The following GMDS variants were observed in gnomAD, a reference collection of about 807,000 sequenced individuals.
GMDS encodes the protein GDP-mannose 4,6-dehydratase.
GMDS carries 20 observed loss-of-function variants against 49.9 expected under a neutral mutation model. The observed-to-expected ratio is 0.40, with a 90% CI of 0.28 to 0.58. The LOEUF (loss-of-function observed/expected upper bound fraction) is 0.58. GMDS is among the 20% of genes least tolerant of loss of function. The pLI, the probability that GMDS is intolerant of heterozygous loss-of-function variation, is 0.42. For synonymous variants in GMDS, 177 were observed against 178.6 expected, an observed-to-expected ratio of 0.99 and a Z score of 0.07; for missense variants, 362 against 481.4, an observed-to-expected ratio of 0.75 and a Z score of 2.32.
At chr6:1,915,541 C>A (rs557849219) in intron 7 of GMDS, among the ~76,000 whole-genome samples, 1 of 152,204 alleles carries the variant, frequency 6.6e-6, no homozygotes, top group Non-Finnish European at 1.5e-5. Flanking sequence ...CTCCAGACAG[C>A]GGCCTTTATT....
chr6:2,209,751 T>C (rs1779983051), intron 1 of GMDS, among the ~76,000 whole-genome samples: 1 of 152,140 alleles, frequency 6.6e-6, no homozygotes, highest in African/African-American at 2.4e-5. Context: ...AAAATAATTT[T>C]AAAATTGGGA....
In GMDS at chr6:2,171,000, G is replaced by GA. The variant is rs1161674272; in HGVS notation, c.103-46270dup. On this transcript the variant is annotated intron_variant, in intron 1 of 10. Coordinates refer to ENST00000380815, the MANE Select transcript of GMDS (RefSeq NM_001500.4). ...AAAGAGTGAGACTCCGTCTCCAAAA[G>GA]AAAAAAAAAATACTCTAAAAACAAG... Among the ~76,000 whole-genome samples the GA allele has an allele frequency of 1.4e-3, 201 of 143,336 alleles. 1 individual carries two copies. The highest frequency in any genetic ancestry group is 7.2e-3 in the Middle Eastern group (2 of 276). The allele number at this position is 143,336 out of a possible 152,430, so 94.0% of individuals were successfully genotyped here.
chr6:2,005,843 CT>C (rs928051476), intron 4 of GMDS, among the ~76,000 whole-genome samples: 1 of 152,108 alleles, frequency 6.6e-6, no homozygotes, highest in African/African-American at 2.4e-5. Flanking sequence ...TTCCCTTGGT[CT>C]TTATATATCA....
rs546231816 is a variant in GMDS, at chr6:1,851,316, A to G, written c.771+78787T>C. Among the ~76,000 whole-genome samples the G allele has an allele frequency of 3.9e-5, 6 of 152,344 alleles. No homozygotes were observed. In the East Asian group the frequency reaches 1.2e-3, roughly 29 times the overall value. On this transcript the variant is annotated intron_variant, in intron 7 of 10. Transcript: ENST00000380815. ...AACCTTTTAATTATTATTAATGTGG[A>G]AAGTTGTGAGACTGAGAAAACGTGT...
chr6:1,702,957 G>C (rs895334280), intron 9 of GMDS, among the ~76,000 whole-genome samples: 1 of 152,162 alleles, frequency 6.6e-6, no homozygotes, highest in Non-Finnish European at 1.5e-5. Flanking sequence ...ATCACTCTCC[G>C]TGAGGATTTC....
rs181885198 is a variant in GMDS at position 1,909,050 on chromosome 6, G to A, written c.771+21053C>T. Among the ~76,000 whole-genome samples, 3 of 152,290 alleles carry A rather than the reference G, an allele frequency of 2.0e-5. No homozygotes were observed. The East Asian group carries it at 5.8e-4, about 29-fold the overall frequency. On this transcript the variant is annotated intron_variant, in intron 7 of 10. Transcript: ENST00000380815. ...AATGACAGGGTATCCACCAGAAAAC[G>A]CAGGATATTAGTCACACCGGTCAAG...
At chr6:2,157,587 T>C (rs1199685887) in intron 1 of GMDS, among the ~76,000 whole-genome samples, 1 of 152,220 alleles carries the variant, frequency 6.6e-6, no homozygotes, top group Non-Finnish European at 1.5e-5. Context: ...AGTGCTCATC[T>C]TGTCTTGTGA....
intron 4 of GMDS, among the ~76,000 whole-genome samples, chr6:2,003,902 C>A (rs1228562491): frequency 6.6e-5 from 10 of 152,122 alleles, no homozygotes; most frequent in Non-Finnish European, 8.8e-5. Context: ...CACTAAATTT[C>A]TGGTAAAGAT....
chr6:2,179,373 C>A (rs1269825386), intron 1 of GMDS, among the ~76,000 whole-genome samples: 1 of 152,110 alleles, frequency 6.6e-6, no homozygotes, highest in Admixed American at 6.5e-5. Context: ...AATATTGCCC[C>A]AAATCATGTG....
chr6:1,737,595 A>G (rs569077967), intron 8 of GMDS, among the ~76,000 whole-genome samples: 3 of 150,096 alleles, frequency 2.0e-5, no homozygotes, highest in Admixed American at 1.3e-4. Flanking sequence ...ACACACATAC[A>G]CACACCACAC....
intron 1 of GMDS, among the ~76,000 whole-genome samples, chr6:2,129,833 T>C (rs564620056): frequency 6.6e-5 from 10 of 152,316 alleles, no homozygotes; most frequent in African/African-American, 1.9e-4. Context: ...CAGAATATAA[T>C]AGAAAGGTGT....
At chr6:2,223,817 G>A (rs1780703514) in intron 1 of GMDS, among the ~76,000 whole-genome samples, 1 of 152,184 alleles carries the variant, frequency 6.6e-6, no homozygotes, top group Non-Finnish European at 1.5e-5. Context: ...GGAACTCAGG[G>A]TCTGGAACTC....
At position 1,836,121 on chromosome 6, in the gene GMDS, C is replaced by T. The variant is rs940477937; in HGVS notation, c.772-93535G>A. Among the ~76,000 whole-genome samples, 3 of 152,196 alleles carry T rather than the reference C, an allele frequency of 2.0e-5. No homozygotes were observed. Among genetic ancestry groups the T allele is most frequent in the Admixed American group, 1.3e-4 (2 of 15,282 alleles). ...TGATCTCGTGATCCACCCGCCTCAG[C>T]CTCCCAAAGTGCTGGGATTACAGGC... On this transcript the variant is annotated intron_variant, in intron 7 of 10. Coordinates refer to ENST00000380815, the MANE Select transcript of GMDS (RefSeq NM_001500.4). The surrounding 1 kb of genome is among the most constrained non-coding windows in gnomAD (Gnocchi z 4.2).
chr6:1,924,005 G>C (rs1276794987), intron 7 of GMDS, among the ~76,000 whole-genome samples: 1 of 152,114 alleles, frequency 6.6e-6, no homozygotes, highest in Non-Finnish European at 1.5e-5. Flanking sequence ...AGAGGACAAG[G>C]GATAGAGGGG....
chr6:1,647,830 A>T (rs1763533303), intron 9 of GMDS, among the ~76,000 whole-genome samples: 1 of 152,192 alleles, frequency 6.6e-6, no homozygotes, highest in Non-Finnish European at 1.5e-5. Context: ...CCTTCTCAGC[A>T]TCCGGACCTA....
At chr6:2,228,994 G>A (rs1780951498) in intron 1 of GMDS, among the ~76,000 whole-genome samples, 1 of 152,170 alleles carries the variant, frequency 6.6e-6, no homozygotes, top group East Asian at 1.9e-4. Context: ...AGTGGGGAAA[G>A]GGAAGGGGAA....
At chr6:1,820,343 C>T (rs1770840670) in intron 7 of GMDS, among the ~76,000 whole-genome samples, 1 of 152,086 alleles carries the variant, frequency 6.6e-6, no homozygotes, top group Admixed American at 6.5e-5. Flanking sequence ...AGAATTTTCC[C>T]CCTTTGGCAG....
At chr6:1,704,252 G>T (rs12526653) in intron 9 of GMDS, among the ~76,000 whole-genome samples, 7,855 of 152,112 alleles carry the variant, frequency 0.052, 310 homozygotes, top group East Asian at 0.15. Flanking sequence ...GGACCGCAGG[G>T]GTGGGGGCAG....
intron 9 of GMDS, among the ~76,000 whole-genome samples, chr6:1,626,396 A>C (rs1374265645): frequency 6.6e-6 from 1 of 152,238 alleles, no homozygotes; most frequent in Non-Finnish European, 1.5e-5. Flanking sequence ...GTAATTAGCA[A>C]TTTAACATAG....
Sources: allele counts gnomAD v4.1 joint callset (sites outside exome capture counted in the v4.1 genomes callset), GRCh38; gene constraint gnomAD v4.1.1; non-coding constraint Gnocchi (gnomAD v3.1); transcripts MANE v1.5; gene names NCBI Gene and HGNC (gene_info 2026-07-23, HGNC 2026-07-21).